Variants in DNM3 observed in about 807,000 individuals in gnomAD.
DNM3 encodes the protein dynamin-3.
Under a neutral mutation model 101.6 loss-of-function variants are expected in DNM3, and 47 were observed. That is an observed-to-expected ratio of 0.46 (90% CI 0.37 to 0.59). DNM3 has a LOEUF of 0.59. DNM3 is among the 20% of genes least tolerant of loss of function. DNM3 has a pLI of 0.00. For synonymous variants in DNM3, 385 were observed against 387.9 expected, an observed-to-expected ratio of 0.99 and a Z score of 0.09; for missense variants, 849 against 1,085.7, an observed-to-expected ratio of 0.78 and a Z score of 3.06.
intron 8 of DNM3, among the ~76,000 whole-genome samples, chr1:172,043,495 A>T (rs1216835308): frequency 1.3e-5 from 2 of 152,126 alleles, no homozygotes; most frequent in African/African-American, 4.8e-5. Flanking sequence ...AAAGTGATAA[A>T]CTTCAGCAAA....
chr1:171,878,774 C>A (rs2036005735), intron 1 of DNM3, among the ~76,000 whole-genome samples: 1 of 152,010 alleles, frequency 6.6e-6, no homozygotes, highest in African/African-American at 2.4e-5. Context: ...CTGTTGGGAC[C>A]TTCATCAAGC....
intron 1 of DNM3, among the ~76,000 whole-genome samples, chr1:171,887,842 A>G (rs2125157155): frequency 6.6e-6 from 1 of 152,242 alleles, no homozygotes; most frequent in East Asian, 1.9e-4. Flanking sequence ...ATTTTAAGGC[A>G]TCATCTAATA....
chr1:171,859,180 C>A, intron 1 of DNM3, among the ~76,000 whole-genome samples: 1 of 152,132 alleles, frequency 6.6e-6, no homozygotes, highest in Non-Finnish European at 1.5e-5. Flanking sequence ...ACCCCCTAGA[C>A]ACCCACCACG....
chr1:172,061,891 C>T (rs945388562), intron 10 of DNM3, among the ~76,000 whole-genome samples: 1 of 151,962 alleles, frequency 6.6e-6, no homozygotes, highest in Non-Finnish European at 1.5e-5. Flanking sequence ...ACTTGCATTT[C>T]ACCCCCTCTA....
intron 1 of DNM3, among the ~76,000 whole-genome samples, chr1:171,852,133 A>G (rs16843433): frequency 0.024 from 3,658 of 152,324 alleles, 147 homozygotes; most frequent in African/African-American, 0.083. Flanking sequence ...AGTGATATGT[A>G]CATGTAATAC....
chr1:172,282,594 C>T (rs1364531210), intron 15 of DNM3, among the ~76,000 whole-genome samples: 1 of 152,168 alleles, frequency 6.6e-6, no homozygotes, highest in Non-Finnish European at 1.5e-5. Context: ...CAGAAGCTTA[C>T]TTAACTAGCT....
intron 2 of DNM3, among the ~76,000 whole-genome samples, chr1:171,974,748 C>A (rs543949300): frequency 3.3e-5 from 5 of 152,134 alleles, no homozygotes; most frequent in Non-Finnish European, 5.9e-5. Context: ...AAGTTTATCC[C>A]AATTTAGATA....
In DNM3 at chr1:171,956,483, G is replaced by A. The variant is rs554830636; in HGVS notation, c.236-31173G>A. Among the ~76,000 whole-genome samples, 39 of 152,264 alleles carry A rather than the reference G, an allele frequency of 2.6e-4. No individual in the cohort carries two copies. The South Asian group carries it at 7.3e-3, about 28-fold the overall frequency. ...ATACAAGTGGGCTCCCATGGCCTTG[G>A]GTAGCTCTGCCCCTGTGGCTTTGTA... On this transcript the variant is annotated intron_variant, in intron 2 of 20. Coordinates refer to ENST00000627582, the MANE Select transcript of DNM3 (RefSeq NM_015569.5).
chr1:172,162,871 G>T (rs1373970217), intron 14 of DNM3, among the ~76,000 whole-genome samples: 1 of 152,022 alleles, frequency 6.6e-6, no homozygotes, highest in East Asian at 1.9e-4. Context: ...ATATGCAAAA[G>T]ATATTTTGTG....
At chr1:172,380,889 C>T (rs536124267) in intron 18 of DNM3, 3 of 150,778 alleles carry the variant, frequency 2.0e-5, no homozygotes, top group African/African-American at 7.3e-5. Context: ...TCAAACGCTG[C>T]TTTGCTCTGC....
intron 2 of DNM3, among the ~76,000 whole-genome samples, chr1:171,969,411 G>A (rs569095149): frequency 6.6e-6 from 1 of 152,230 alleles, no homozygotes; most frequent in South Asian, 2.1e-4. Context: ...CTCTGAGGGA[G>A]GCAGTGGGAA....
intron 2 of DNM3, among the ~76,000 whole-genome samples, chr1:171,946,850 C>A (rs369415277): frequency 6.6e-6 from 1 of 152,108 alleles, no homozygotes; most frequent in Non-Finnish European, 1.5e-5. Context: ...AAGGATGAGG[C>A]TCTTTTTAAC....
intron 15 of DNM3, among the ~76,000 whole-genome samples, chr1:172,297,653 A>G (rs2064231609): frequency 6.6e-6 from 1 of 152,112 alleles, no homozygotes; most frequent in Non-Finnish European, 1.5e-5. Flanking sequence ...GCTCCTTTGG[A>G]TATGAAGCGT....
intron 17 of DNM3, among the ~76,000 whole-genome samples, chr1:172,328,827 G>A (rs2066055865): frequency 6.6e-6 from 1 of 152,044 alleles, no homozygotes; most frequent in African/African-American, 2.4e-5. Flanking sequence ...TTATCATGAA[G>A]TATGAGTTTA....
intron 11 of DNM3, 61 bp downstream of exon 11, chr1:172,068,966 G>A (rs1209402622): frequency 6.9e-7 from 1 of 1,452,004 alleles, no homozygotes; most frequent in Non-Finnish European, 9.5e-7. Flanking sequence ...TCTCTGCAAG[G>A]TTGTCTGGTA....
At chr1:172,069,044 T>C in intron 11 of DNM3, 139 bp downstream of exon 11, 2 of 637,210 alleles carry the variant, frequency 3.1e-6, no homozygotes, top group South Asian at 4.3e-5. Flanking sequence ...TTATGTTTAT[T>C]TTTACTTATT....
rs148978684 is a variant in DNM3, at chr1:171,984,877, G to A, written c.236-2779G>A. ...CAACAAGACACTGCAAATTGACCAA[G>A]GGGTTGACAAAATAAATAAAAATAC... is the stretch of plus-strand genomic sequence containing the variant. On this transcript the variant is annotated intron_variant, in intron 2 of 20. Transcript: ENST00000627582. Among the ~76,000 whole-genome samples the A allele has an allele frequency of 9.9e-3, 1,510 of 152,276 alleles. 14 individuals carry two copies. Among genetic ancestry groups the A allele is most frequent in the Middle Eastern group, 0.048 (14 of 292 alleles).
At chr1:172,354,112 T>TGAGAGAGAGAGA (rs71563205) in intron 17 of DNM3, among the ~76,000 whole-genome samples, 29,054 of 94,668 alleles carry the variant, frequency 0.31, 5,641 homozygotes, top group Admixed American at 0.42. Flanking sequence ...TGTGTGTGTG[T>TGAGAGAGAGAGA]GAGAGAGAGA....
At chr1:172,069,343 A>AT (rs1461801163) in intron 11 of DNM3, among the ~76,000 whole-genome samples, 1 of 152,062 alleles carries the variant, frequency 6.6e-6, no homozygotes, top group Non-Finnish European at 1.5e-5. Flanking sequence ...CAGTGTTTTC[A>AT]TTTTTTTCTG....
Sources: gnomAD v4.1 joint callset for allele counts (sites outside exome capture counted in the v4.1 genomes callset) on GRCh38, gnomAD v4.1.1 for gene constraint, MANE v1.5 for transcripts, NCBI Gene and HGNC (gene_info 2026-07-23, HGNC 2026-07-21) for gene names.